The following COL24A1 variants were observed in gnomAD, a reference collection of about 807,000 sequenced individuals.
COL24A1 encodes the protein collagen type XXIV alpha 1 chain, also known as collagen alpha-1(XXIV) chain.
In COL24A1, 224 loss-of-function variants were observed where a neutral mutation model predicts 253.9. The ratio of observed to expected loss-of-function variants is 0.88; its 90% CI spans 0.79 to 0.99. The LOEUF is 0.99. Ranked by LOEUF, COL24A1 falls within the 50% of genes least tolerant of loss-of-function variation. The probability of loss-of-function intolerance (pLI) is 0.00; values close to 1 mark genes in which losing one functional copy is unlikely to be tolerated. For missense variants in COL24A1, 2,131 were observed against 2,068.5 expected (o/e 1.03, Z -0.59); for synonymous variants, 685 against 673.7 (o/e 1.02, Z -0.26).
chr1:85,958,094 A>C (rs577861420), intron 24 of COL24A1, among the ~76,000 whole-genome samples: 357 of 152,300 alleles, frequency 2.3e-3, no homozygotes, highest in Non-Finnish European at 4.2e-3. Flanking sequence ...ATCACTTTTA[A>C]TCCTCATAAG....
intron 32 of COL24A1, among the ~76,000 whole-genome samples, chr1:85,887,342 A>G (rs1261304184): frequency 3.3e-5 from 5 of 152,208 alleles, no homozygotes; most frequent in Non-Finnish European, 5.9e-5. Flanking sequence ...CCTCTTATTG[A>G]AGGCGATTGG....
chr1:85,942,354 T>G (rs1053879098), intron 24 of COL24A1, among the ~76,000 whole-genome samples: 4 of 144,806 alleles, frequency 2.8e-5, no homozygotes, highest in African/African-American at 1.0e-4. Flanking sequence ...TTCTTTCTTG[T>G]ATTGTGATTT....
At chr1:85,802,722 C>T (rs1299112652) in intron 47 of COL24A1, among the ~76,000 whole-genome samples, 1 of 151,982 alleles carries the variant, frequency 6.6e-6, no homozygotes, top group African/African-American at 2.4e-5. Context: ...CTTTGTAAAC[C>T]CTCCTTTCCA....
At chr1:86,019,322 G>A (rs78447538) in intron 18 of COL24A1, among the ~76,000 whole-genome samples, 9,754 of 152,080 alleles carry the variant, frequency 0.064, 400 homozygotes, top group Middle Eastern at 0.12. Flanking sequence ...CTAGGAGGCC[G>A]AGGTAAGAGG....
intron 53 of COL24A1, among the ~76,000 whole-genome samples, chr1:85,772,280 T>G (rs1206243228): frequency 1.3e-5 from 2 of 151,588 alleles, no homozygotes; most frequent in South Asian, 4.2e-4. Flanking sequence ...CCAGTTAGAA[T>G]GGCAATCATT....
At chr1:85,867,651 T>A (rs1679944408) in intron 37 of COL24A1, among the ~76,000 whole-genome samples, 1 of 151,984 alleles carries the variant, frequency 6.6e-6, no homozygotes. Context: ...AACAGTAAAA[T>A]GAAACAATAG....
In COL24A1 at chr1:85,781,216, T is replaced by C; in HGVS notation, c.4338+4A>G. The C allele has an allele frequency of 6.3e-7, 1 of 1,588,522 alleles. No homozygotes were observed. On this transcript the variant is annotated splice_donor_region_variant and intron_variant, in intron 52 of 59. Transcript: ENST00000370571. Reference sequence around the variant, plus strand: ...ACAAAAGACTTGTATTATGATAAACTTACAGTTCTACCTGTTGGGCCTATT... The same window carrying C: ...ACAAAAGACTTGTATTATGATAAACCTACAGTTCTACCTGTTGGGCCTATT...
intron 7 of COL24A1, 112 bp from the exon 8 acceptor site, chr1:86,063,871 A>G (rs1571797737): frequency 2.0e-6 from 1 of 499,038 alleles, no homozygotes; most frequent in African/African-American, 2.0e-5. Flanking sequence ...CCTCATCAAT[A>G]CAAATTTAAT....
At chr1:85,943,989 C>A (rs1400201032) in intron 24 of COL24A1, among the ~76,000 whole-genome samples, 1 of 152,170 alleles carries the variant, frequency 6.6e-6, no homozygotes, top group Non-Finnish European at 1.5e-5. Flanking sequence ...TGTGCAGGCA[C>A]TGTGTGTATA....
chr1:86,089,195 G>T lies in COL24A1; in HGVS notation c.1686C>A (p.Pro562=), dbSNP rs376222055. Residue 562 remains proline (P), a synonymous_variant, in exon 7 of 60, where the codon CCC becomes CCA. Transcript: ENST00000370571. ...GDQGLSGLMG[P]PGMQGDKGLK... is the part of the protein sequence containing the mutation. ...TTACCTTATCACCTTGCATACCAGG[G>T]GGGCCCATTAATCCAGAAAGGCCTT... The T allele has an allele frequency of 2.1e-5, 34 of 1,585,034 alleles. No homozygotes were observed. Among genetic ancestry groups the T allele is most frequent in the East Asian group, 1.6e-4 (7 of 44,162 alleles).
chr1:86,053,647 G>A (rs900512717), intron 10 of COL24A1, among the ~76,000 whole-genome samples: 2 of 152,022 alleles, frequency 1.3e-5, no homozygotes. Context: ...ACCACCAGAA[G>A]GTCGGGAGAG....
chr1:86,121,737 C>T (rs978945000), intron 3 of COL24A1, among the ~76,000 whole-genome samples: 3 of 152,046 alleles, frequency 2.0e-5, no homozygotes, highest in African/African-American at 7.2e-5. Flanking sequence ...TTCATCATCA[C>T]AAATGACATT....
At chr1:85,823,781 T>C (rs778853770) in intron 43 of COL24A1, 43 bp from the exon 44 acceptor site, 1 of 1,567,798 alleles carries the variant, frequency 6.4e-7, no homozygotes, top group South Asian at 1.1e-5. Flanking sequence ...AGTAGAGACA[T>C]GTGACTTAAG....
rs1430395641 is a variant in COL24A1 at position 85,918,074 on chromosome 1, CT to C, written c.2563-6642del. On this transcript the variant is annotated intron_variant, in intron 24 of 59. Coordinates refer to ENST00000370571, the MANE Select transcript of COL24A1 (RefSeq NM_152890.7). ...TCACCTGTGAAATTATTTTTGATAT[CT>C]TTCATTGACAAGAAGTCCTTAATTT... Among the ~76,000 whole-genome samples the C allele has an allele frequency of 2.0e-5, 3 of 150,996 alleles. No homozygotes were observed. The East Asian group carries it at 5.8e-4, about 29-fold the overall frequency.
At chr1:85,852,688 TA>T (rs1372494144) in intron 37 of COL24A1, among the ~76,000 whole-genome samples, 1 of 152,240 alleles carries the variant, frequency 6.6e-6, no homozygotes, top group Non-Finnish European at 1.5e-5. Context: ...ACACCATTTT[TA>T]CAAATATTTT....
chr1:85,764,266 C>T (rs1667132344), intron 53 of COL24A1, among the ~76,000 whole-genome samples: 1 of 152,018 alleles, frequency 6.6e-6, no homozygotes, highest in Admixed American at 6.6e-5. Flanking sequence ...GGACAAATGG[C>T]TCCTGGTTGA....
intron 37 of COL24A1, among the ~76,000 whole-genome samples, chr1:85,861,356 G>A (rs891739157): frequency 2.0e-5 from 3 of 151,966 alleles, no homozygotes; most frequent in Non-Finnish European, 2.9e-5. Flanking sequence ...TTCTGGATAC[G>A]AGTCCCTTAT....
chr1:86,025,287 T>A (rs998751315), intron 14 of COL24A1, among the ~76,000 whole-genome samples: 6 of 152,132 alleles, frequency 3.9e-5, no homozygotes, highest in Admixed American at 2.0e-4. Context: ...GTTGAGGGTG[T>A]TTGGGATATG....
At chr1:85,935,542 A>G (rs1010104279) in intron 24 of COL24A1, among the ~76,000 whole-genome samples, 1 of 147,702 alleles carries the variant, frequency 6.8e-6, no homozygotes, top group Non-Finnish European at 1.5e-5. Context: ...CATGACTTGT[A>G]GCAAGTTACT....
Sources: allele counts gnomAD v4.1 joint callset (sites outside exome capture counted in the v4.1 genomes callset), GRCh38; gene constraint gnomAD v4.1.1; transcripts MANE v1.5; gene names NCBI Gene and HGNC (gene_info 2026-07-23, HGNC 2026-07-21).